Variants in OPCML observed in about 807,000 individuals in gnomAD.
OPCML encodes the protein opioid binding protein/cell adhesion molecule like.
A neutral mutation model predicts 37.8 loss-of-function variants in OPCML; 13 were observed. The observed-to-expected ratio is 0.34, with a 90% confidence interval of 0.22 to 0.55. The LOEUF (loss-of-function observed/expected upper bound fraction) is 0.55. Ranked by LOEUF, OPCML falls within the 20% of genes least tolerant of loss-of-function variation. The probability of loss-of-function intolerance (pLI) is 0.91; values close to 1 mark genes in which losing one functional copy is unlikely to be tolerated. For synonymous variants in OPCML, 176 were observed against 168.8 expected (o/e 1.04, Z -0.33); for missense variants, 341 against 435.6 (o/e 0.78, Z 1.93).
At chr11:132,590,707 C>T (rs558610250) in intron 3 of OPCML, among the ~76,000 whole-genome samples, 36 of 152,212 alleles carry the variant, frequency 2.4e-4, no homozygotes, top group African/African-American at 7.0e-4. Context: ...ATTAAACAAA[C>T]GGCACACACG....
intron 1 of OPCML, among the ~76,000 whole-genome samples, chr11:133,328,721 A>G (rs1943541112): frequency 6.6e-6 from 1 of 152,188 alleles, no homozygotes; most frequent in Non-Finnish European, 1.5e-5. Flanking sequence ...CCCACAGCCA[A>G]TATCATACTG....
chr11:133,142,002 G>C (rs1370431104), intron 1 of OPCML, among the ~76,000 whole-genome samples: 1 of 152,156 alleles, frequency 6.6e-6, no homozygotes, highest in Non-Finnish European at 1.5e-5. Context: ...CTGGGTTAGA[G>C]CCCAAGCTCT....
intron 1 of OPCML, among the ~76,000 whole-genome samples, chr11:132,953,493 G>A (rs1945908737): frequency 6.6e-6 from 1 of 152,102 alleles, no homozygotes; most frequent in African/African-American, 2.4e-5. Context: ...CAAGCCATAC[G>A]ATAAAATCAG....
At chr11:133,278,953 G>A (rs1160617941) in intron 1 of OPCML, among the ~76,000 whole-genome samples, 1 of 152,182 alleles carries the variant, frequency 6.6e-6, no homozygotes, top group Non-Finnish European at 1.5e-5. Flanking sequence ...GAGGAGAAGA[G>A]GAATTACATC....
intron 2 of OPCML, among the ~76,000 whole-genome samples, chr11:132,902,594 CAG>C (rs1335340642): frequency 6.6e-6 from 1 of 152,072 alleles, no homozygotes; most frequent in South Asian, 2.1e-4. Flanking sequence ...TGTTGGGGCT[CAG>C]AAAATGACAA....
At chr11:133,217,343 C>T (rs1173059590) in intron 1 of OPCML, among the ~76,000 whole-genome samples, 1 of 152,186 alleles carries the variant, frequency 6.6e-6, no homozygotes, top group African/African-American at 2.4e-5. Context: ...GAATTGGGGT[C>T]CCAGTGTTTT....
chr11:132,743,002 T>C (rs2136043666), intron 2 of OPCML, among the ~76,000 whole-genome samples: 1 of 152,184 alleles, frequency 6.6e-6, no homozygotes, highest in South Asian at 2.1e-4. Flanking sequence ...TTTGCCCACT[T>C]TTCCTTCTGC....
chr11:132,915,825 T>A (rs1263811490), intron 2 of OPCML, among the ~76,000 whole-genome samples: 1 of 152,208 alleles, frequency 6.6e-6, no homozygotes, highest in Non-Finnish European at 1.5e-5. Flanking sequence ...TTATCTTTTT[T>A]TGGTGGTGAT....
chr11:132,704,820 C>T (rs1364265275), intron 2 of OPCML, among the ~76,000 whole-genome samples: 2 of 152,182 alleles, frequency 1.3e-5, no homozygotes, highest in Admixed American at 1.3e-4. Flanking sequence ...ATTTACAAAG[C>T]TGTAATGTAA....
intron 1 of OPCML, among the ~76,000 whole-genome samples, chr11:133,116,914 T>C (rs1436807790): frequency 1.3e-5 from 2 of 151,866 alleles, no homozygotes; most frequent in Admixed American, 1.3e-4. Flanking sequence ...GGTTGCAAAA[T>C]GGTGATGTTT....
intron 1 of OPCML, among the ~76,000 whole-genome samples, chr11:133,052,782 G>A (rs1948154487): frequency 6.6e-6 from 1 of 152,190 alleles, no homozygotes; most frequent in South Asian, 2.1e-4. Context: ...TTGGAAGTGA[G>A]CCATGATCTG....
At chr11:132,714,371 T>C (rs546968982) in intron 2 of OPCML, among the ~76,000 whole-genome samples, 1 of 152,032 alleles carries the variant, frequency 6.6e-6, no homozygotes, top group Admixed American at 6.5e-5. Flanking sequence ...CCTGTAAATA[T>C]GTGTTTTCAA....
chr11:132,828,931 C>T (rs1565893766), intron 2 of OPCML, among the ~76,000 whole-genome samples: 1 of 152,212 alleles, frequency 6.6e-6, no homozygotes, highest in African/African-American at 2.4e-5. Context: ...GTTTTCTCCA[C>T]TCAGCAGCCT....
chr11:132,504,361 C>A (rs2096251926), intron 4 of OPCML, among the ~76,000 whole-genome samples: 1 of 152,166 alleles, frequency 6.6e-6, no homozygotes, highest in South Asian at 2.1e-4. Context: ...TGGACGCATT[C>A]GCTATTTACT....
intron 2 of OPCML, among the ~76,000 whole-genome samples, chr11:132,707,748 A>T (rs913185184): frequency 1.3e-5 from 2 of 152,220 alleles, no homozygotes; most frequent in African/African-American, 2.4e-5. Context: ...TTGGATATGT[A>T]CAAACATATT....
chr11:133,113,248 T>A (rs1364357185), intron 1 of OPCML, among the ~76,000 whole-genome samples: 1 of 148,066 alleles, frequency 6.8e-6, no homozygotes, highest in African/African-American at 2.6e-5. Flanking sequence ...CATTCAGATA[T>A]CTGTTTTTTC....
intron 1 of OPCML, among the ~76,000 whole-genome samples, chr11:132,993,129 G>A (rs1388646708): frequency 1.3e-5 from 2 of 152,250 alleles, no homozygotes; most frequent in South Asian, 2.1e-4. Context: ...GAGCATGCAC[G>A]TTACCATAGC....
intron 3 of OPCML, among the ~76,000 whole-genome samples, chr11:132,548,012 G>C (rs2096372740): frequency 6.6e-6 from 1 of 152,202 alleles, no homozygotes; most frequent in Non-Finnish European, 1.5e-5. Flanking sequence ...ACTCATTATA[G>C]TTAGACACTG....
At chr11:132,911,020 G>A (rs1438426350) in intron 2 of OPCML, among the ~76,000 whole-genome samples, 1 of 152,212 alleles carries the variant, frequency 6.6e-6, no homozygotes, top group Admixed American at 6.5e-5. Flanking sequence ...GATTAAAACT[G>A]AGAACGTTAA....
Sources: allele counts gnomAD v4.1 joint callset (sites outside exome capture counted in the v4.1 genomes callset), GRCh38; gene constraint gnomAD v4.1.1; transcripts MANE v1.5; gene names NCBI Gene and HGNC (gene_info 2026-07-23, HGNC 2026-07-21).